Variants in ZNF600 observed in about 807,000 individuals in gnomAD.
ZNF600 encodes the protein zinc finger protein 600, also known as zinc finger protein KR-ZNF1.
In ZNF600, 4 loss-of-function variants were observed where a neutral mutation model predicts 7.3. That is an observed-to-expected ratio of 0.55 (90% CI 0.27 to 1.25). The LOEUF (loss-of-function observed/expected upper bound fraction) is 1.25, where lower values mean the gene tolerates loss of function less well. ZNF600 is among the 50% of genes most tolerant of loss of function. The pLI is 0.12. For missense variants in ZNF600, 911 were observed against 922.1 expected, an observed-to-expected ratio of 0.99 and a Z score of 0.16; for synonymous variants, 290 against 308.9, an observed-to-expected ratio of 0.94 and a Z score of 0.64.
At chr19:52,776,399 C>T (rs1223681409) in intron 2 of ZNF600, among the ~76,000 whole-genome samples, 2 of 151,464 alleles carry the variant, frequency 1.3e-5, no homozygotes, top group Non-Finnish European at 2.9e-5. Context: ...ACATATAATC[C>T]TTCCCAATAC....
the ZNF600 span, chr19:52,800,313 G>A: frequency 6.2e-7 from 1 of 1,613,316 alleles, no homozygotes; most frequent in East Asian, 2.2e-5. Flanking sequence ...CTGATGTTCT[G>A]TAAGGCATGA....
At chr19:52,832,728 T>C in the ZNF600 span, among the ~76,000 whole-genome samples, 6 of 152,276 alleles carry the variant, frequency 3.9e-5, no homozygotes, top group East Asian at 7.7e-4. Flanking sequence ...AATTGTGCCA[T>C]TGTACTCCAG....
At chr19:52,797,036 G>A in the ZNF600 span, among the ~76,000 whole-genome samples, 3 of 152,152 alleles carry the variant, frequency 2.0e-5, no homozygotes, top group Admixed American at 2.0e-4. Context: ...AAGGATTGTA[G>A]ATATGCAAGT....
intron 1 of ZNF600, among the ~76,000 whole-genome samples, chr19:52,783,900 T>C (rs368603832): frequency 1.1e-4 from 16 of 152,126 alleles, no homozygotes; most frequent in Admixed American, 4.6e-4. Context: ...AAGTGATTCT[T>C]CTGCCTCAGC....
At chr19:52,792,485 G>A in the ZNF600 span, among the ~76,000 whole-genome samples, 1 of 152,070 alleles carries the variant, frequency 6.6e-6, no homozygotes, top group Non-Finnish European at 1.5e-5. Flanking sequence ...CACTGTGGGA[G>A]GCTGATGCAG....
chr19:52,819,192 T>C, the ZNF600 span, among the ~76,000 whole-genome samples: 2 of 136,864 alleles, frequency 1.5e-5, 1 homozygote, highest in African/African-American at 5.7e-5. Context: ...GGCTGGACAC[T>C]GGCAGGGACC....
the ZNF600 span, among the ~76,000 whole-genome samples, chr19:52,803,030 G>C: frequency 6.6e-6 from 1 of 151,442 alleles, no homozygotes; most frequent in Non-Finnish European, 1.5e-5. Context: ...CAAAGTGCTG[G>C]GATTATAGGC....
chr19:52,770,652 C>T (rs1048688885), intron 3 of ZNF600, among the ~76,000 whole-genome samples: 2 of 152,024 alleles, frequency 1.3e-5, no homozygotes, highest in African/African-American at 4.8e-5. Context: ...AAACAAATTG[C>T]ACAATAAGAA....
chr19:52,801,773 T>C, the ZNF600 span: 3 of 1,383,410 alleles, frequency 2.2e-6, no homozygotes, highest in Non-Finnish European at 3.0e-6. Flanking sequence ...TGTGTAAATA[T>C]GACACAAAAA....
chr19:52,765,825 T>C (rs763502699), exon 4 of ZNF600: 1 of 1,613,964 alleles, frequency 6.2e-7, no homozygotes, highest in East Asian at 2.2e-5. Context: ...GAAAACTTTG[T>C]CACATGTTTC....
At chr19:52,811,153 C>T in the ZNF600 span, among the ~76,000 whole-genome samples, 2 of 150,874 alleles carry the variant, frequency 1.3e-5, no homozygotes, top group South Asian at 2.1e-4. Flanking sequence ...CTCGGCCTCC[C>T]GAGGTGCCGG....
At chr19:52,828,914 G>T in the ZNF600 span, among the ~76,000 whole-genome samples, 2 of 152,270 alleles carry the variant, frequency 1.3e-5, no homozygotes, top group Non-Finnish European at 1.5e-5. Flanking sequence ...AGGCTGGAAT[G>T]CTGTGGCAGG....
the ZNF600 span, among the ~76,000 whole-genome samples, chr19:52,796,570 C>T: frequency 4.6e-5 from 7 of 152,174 alleles, no homozygotes; most frequent in Non-Finnish European, 1.0e-4. Flanking sequence ...AGGCTCAAGC[C>T]ATCCTCCCAA....
chr19:52,769,491 C>T (rs1165624197), intron 3 of ZNF600, among the ~76,000 whole-genome samples: 1 of 152,166 alleles, frequency 6.6e-6, no homozygotes, highest in Non-Finnish European at 1.5e-5. Flanking sequence ...GACAGGTGAC[C>T]CACGTGACCT....
chr19:52,764,312 G>C (rs145220856), downstream of ZNF600: 7 of 151,788 alleles, frequency 4.6e-5, no homozygotes, highest in East Asian at 1.4e-3. Context: ...CCAGGTTTAA[G>C]CGACTCTTGT....
At chr19:52,795,426 A>G in the ZNF600 span, among the ~76,000 whole-genome samples, 5 of 139,210 alleles carry the variant, frequency 3.6e-5, no homozygotes, top group East Asian at 8.5e-4. Flanking sequence ...TCAGAGAAAA[A>G]CAATTTACAG....
chr19:52,773,197 T>C (rs1375810572), intron 3 of ZNF600, among the ~76,000 whole-genome samples: 1 of 152,188 alleles, frequency 6.6e-6, no homozygotes, highest in South Asian at 2.1e-4. Context: ...ACTTTGTGCA[T>C]GCATGTCTGT....
chr19:52,778,771 CT>C, intron 2 of ZNF600, 54 bp downstream of exon 4: 1 of 1,564,290 alleles, frequency 6.4e-7, no homozygotes. Flanking sequence ...GCTACAATAC[CT>C]GGCATTTCAG....
At chr19:52,818,300 G>A in the ZNF600 span, among the ~76,000 whole-genome samples, 2 of 152,186 alleles carry the variant, frequency 1.3e-5, no homozygotes, top group African/African-American at 4.8e-5. Context: ...CAGATATGGT[G>A]GTGCGCATCT....
Sources: gnomAD v4.1 joint callset for allele counts (sites outside exome capture counted in the v4.1 genomes callset) on GRCh38, gnomAD v4.1.1 for gene constraint, MANE v1.5 for transcripts, NCBI Gene and HGNC (gene_info 2026-07-23, HGNC 2026-07-21) for gene names.